The following TNFSF4 variants were observed in gnomAD, a reference collection of about 807,000 sequenced individuals.
The protein encoded by TNFSF4 is TNF superfamily member 4, also known as tumor necrosis factor ligand superfamily member 4.
A neutral mutation model predicts 7.3 loss-of-function variants in TNFSF4; 4 were observed. The ratio of observed to expected loss-of-function variants is 0.55; its 90% CI spans 0.27 to 1.25. TNFSF4 has a LOEUF of 1.25. Among genes scored for constraint, TNFSF4 ranks in the 50% most tolerant of loss-of-function variants. The probability of loss-of-function intolerance (pLI) is 0.12; values close to 1 mark genes in which losing one functional copy is unlikely to be tolerated. For missense variants in TNFSF4, 181 were observed against 208.8 expected (o/e 0.87, Z 0.82); for synonymous variants, 76 against 83.7 (o/e 0.91, Z 0.50).
chr1:173,290,212 A>T, the TNFSF4 span, among the ~76,000 whole-genome samples: 1 of 152,190 alleles, frequency 6.6e-6, no homozygotes. Flanking sequence ...ATCTAACAAC[A>T]TGATTGCAGG....
chr1:173,261,873 C>T, the TNFSF4 span, among the ~76,000 whole-genome samples: 3 of 151,936 alleles, frequency 2.0e-5, no homozygotes, highest in African/African-American at 7.2e-5. Context: ...CAAGACCAGA[C>T]AGATTTACAG....
the TNFSF4 span, among the ~76,000 whole-genome samples, chr1:173,367,012 T>A: frequency 1.3e-5 from 2 of 152,208 alleles, no homozygotes; most frequent in Admixed American, 1.3e-4. Flanking sequence ...GTACACATGA[T>A]TATCCATTTG....
At chr1:173,300,099 GTAGATAGATAGATAGATAGATAGA>G in the TNFSF4 span, among the ~76,000 whole-genome samples, 10 of 147,856 alleles carry the variant, frequency 6.8e-5, no homozygotes, top group South Asian at 6.5e-4. Flanking sequence ...AAAATAGATG[GTAGATAGATAGATAGATAGATAGA>G]TAGATAGATA....
the TNFSF4 span, among the ~76,000 whole-genome samples, chr1:173,242,389 A>G: frequency 6.6e-6 from 1 of 152,156 alleles, no homozygotes; most frequent in Non-Finnish European, 1.5e-5. Flanking sequence ...AAATAACAGG[A>G]TATTGCTTGA....
At chr1:173,243,021 C>T in the TNFSF4 span, among the ~76,000 whole-genome samples, 1 of 58,658 alleles carries the variant, frequency 1.7e-5, no homozygotes. Flanking sequence ...GGGGGGGGAG[C>T]ACAAAAATAA....
At chr1:173,421,443 C>T in the TNFSF4 span, among the ~76,000 whole-genome samples, 2 of 152,088 alleles carry the variant, frequency 1.3e-5, no homozygotes, top group Non-Finnish European at 2.9e-5. Context: ...CCAGACCCTC[C>T]GAACCGGGTT....
the TNFSF4 span, among the ~76,000 whole-genome samples, chr1:173,359,001 A>G: frequency 6.6e-6 from 1 of 152,224 alleles, no homozygotes; most frequent in Non-Finnish European, 1.5e-5. Context: ...TTTACTATAC[A>G]TGTATATTAC....
At chr1:173,406,392 A>C in the TNFSF4 span, among the ~76,000 whole-genome samples, 1 of 152,158 alleles carries the variant, frequency 6.6e-6, no homozygotes, top group Non-Finnish European at 1.5e-5. Context: ...TACTTATTTC[A>C]CAAAAATTAT....
chr1:173,255,223 T>A, the TNFSF4 span, among the ~76,000 whole-genome samples: 1 of 152,244 alleles, frequency 6.6e-6, no homozygotes, highest in Non-Finnish European at 1.5e-5. Context: ...GTGCCTTTTT[T>A]AGGCTGTGTG....
the TNFSF4 span, among the ~76,000 whole-genome samples, chr1:173,421,007 A>G: frequency 6.6e-6 from 1 of 152,154 alleles, no homozygotes; most frequent in Non-Finnish European, 1.5e-5. Flanking sequence ...CACTACTTAT[A>G]GTTATGTGTT....
chr1:173,379,829 G>C, the TNFSF4 span, among the ~76,000 whole-genome samples: 1 of 152,176 alleles, frequency 6.6e-6, no homozygotes, highest in Non-Finnish European at 1.5e-5. Context: ...AAAACAGACT[G>C]TCCAATGAGA....
Position 173,186,949 on chromosome 1 carries a change from T to A in TNFSF4, c.203-84A>T, listed in dbSNP as rs1236462254. The stretch of plus-strand genomic sequence containing the variant: ...ACCTTCCAATACATCTGGAATCAGA[T>A]GAAGAGAAAGTGATAGGGAGAGATT... On this transcript the variant is annotated intron_variant, in intron 2 of 2. Transcript: ENST00000281834. 25 of 934,286 alleles carry A rather than the reference T, an allele frequency of 2.7e-5. 2 individuals are homozygous for A. In the South Asian group the frequency reaches 4.1e-4, roughly 15 times the overall value. The allele number at this position is 934,286 out of a possible 1,614,324, so 57.9% of individuals were successfully genotyped here. A position where few individuals can be genotyped will look rare whatever the true frequency, so the allele number is the denominator to read the frequency against.
chr1:173,272,195 C>T, the TNFSF4 span, among the ~76,000 whole-genome samples: 2 of 151,878 alleles, frequency 1.3e-5, no homozygotes, highest in Admixed American at 1.3e-4. Flanking sequence ...TGGGGCCTGT[C>T]GTGGGGTGGT....
chr1:173,310,866 C>T, the TNFSF4 span, among the ~76,000 whole-genome samples: 1 of 151,794 alleles, frequency 6.6e-6, no homozygotes, highest in Non-Finnish European at 1.5e-5. Context: ...TTGAGCCTGC[C>T]TCTTTTTATC....
chr1:173,434,573 CCA>C, the TNFSF4 span, among the ~76,000 whole-genome samples: 11 of 152,166 alleles, frequency 7.2e-5, no homozygotes, highest in Non-Finnish European at 1.6e-4. Flanking sequence ...AATGTGTTAT[CCA>C]CGTTACTTGG....
At chr1:173,305,564 GC>G in the TNFSF4 span, among the ~76,000 whole-genome samples, 1 of 151,760 alleles carries the variant, frequency 6.6e-6, no homozygotes, top group Non-Finnish European at 1.5e-5. Context: ...TAGAGAAGAA[GC>G]AGGAATCACT....
chr1:173,417,590 G>C, the TNFSF4 span, among the ~76,000 whole-genome samples: 2 of 152,176 alleles, frequency 1.3e-5, no homozygotes, highest in African/African-American at 2.4e-5. Context: ...GAAAAAGCCA[G>C]AGTCCCATAG....
chr1:173,366,797 T>A, the TNFSF4 span, among the ~76,000 whole-genome samples: 3 of 151,522 alleles, frequency 2.0e-5, no homozygotes, highest in African/African-American at 7.3e-5. Flanking sequence ...AAAATTAAAA[T>A]ATATATATGT....
the TNFSF4 span, among the ~76,000 whole-genome samples, chr1:173,421,474 C>G: frequency 6.6e-6 from 1 of 152,140 alleles, no homozygotes; most frequent in Non-Finnish European, 1.5e-5. Context: ...CATACTGCCC[C>G]TCCTTGTTGT....
Sources: allele counts gnomAD v4.1 joint callset (sites outside exome capture counted in the v4.1 genomes callset), GRCh38; gene constraint gnomAD v4.1.1; transcripts MANE v1.5; gene names NCBI Gene and HGNC (gene_info 2026-07-23, HGNC 2026-07-21).